RSBN1L: variants seen among roughly 807,000 people sequenced by gnomAD.
The protein encoded by RSBN1L is lysine-specific demethylase RSBN1L.
In RSBN1L, 30 loss-of-function variants were observed where a neutral mutation model predicts 67.7. The observed-to-expected ratio is 0.44, with a 90% CI of 0.33 to 0.60. The LOEUF (loss-of-function observed/expected upper bound fraction) is 0.60. Ranked by LOEUF, RSBN1L falls within the 20% of genes least tolerant of loss-of-function variation. RSBN1L has a pLI of 0.02. For synonymous variants in RSBN1L, 433 were observed against 387.0 expected, an observed-to-expected ratio of 1.12 and a Z score of -1.39; for missense variants, 992 against 1,031.7, an observed-to-expected ratio of 0.96 and a Z score of 0.53.
In RSBN1L at chr7:77,721,283, A is replaced by G. The variant is rs568671316; in HGVS notation, c.587-15127A>G. Among the ~76,000 whole-genome samples, 87 of 150,062 alleles carry G rather than the reference A, an allele frequency of 5.8e-4. 1 individual carries two copies. In the South Asian group the frequency reaches 0.018, roughly 32 times the overall value. On this transcript the variant is annotated intron_variant, in intron 1 of 7. Transcript: ENST00000334955. ...CTTCTATGATTGCCTTCAAATGCTT[A>G]TCAATAGTAATTTCCTTCTTTTTAC...
In RSBN1L at chr7:77,705,882, C is replaced by G. The variant is rs372431014; in HGVS notation, c.586+8827C>G. ...TGTGAATATCCAATTCCCTAATTGT[C>G]TTTTACTTAATAACATTTTCTTTTT... is the stretch of plus-strand genomic sequence containing the variant. On this transcript the variant is annotated intron_variant, in intron 1 of 7. Transcript: ENST00000334955. Among the ~76,000 whole-genome samples, 14 of 151,930 alleles carry G rather than the reference C, an allele frequency of 9.2e-5. No homozygotes were observed. In the East Asian group the frequency reaches 1.4e-3, roughly 15 times the overall value.
chr7:77,719,513 C>T (rs974522415), intron 1 of RSBN1L, among the ~76,000 whole-genome samples: 3 of 152,122 alleles, frequency 2.0e-5, no homozygotes, highest in South Asian at 2.1e-4. Context: ...GAAACAATCA[C>T]GTTTGATATA....
intron 3 of RSBN1L, among the ~76,000 whole-genome samples, chr7:77,757,919 T>G (rs1791641258): frequency 6.6e-6 from 1 of 152,166 alleles, no homozygotes; most frequent in Admixed American, 6.5e-5. Context: ...GAAACCCAGA[T>G]TCGTGTGGAA....
chr7:77,742,077 C>G (rs1222452384), intron 2 of RSBN1L, among the ~76,000 whole-genome samples: 2 of 151,402 alleles, frequency 1.3e-5, no homozygotes, highest in African/African-American at 4.9e-5. Flanking sequence ...CAGCTCTTAT[C>G]CCAGCATTTT....
chr7:77,707,251 C>T lies in RSBN1L; in HGVS notation c.586+10196C>T, dbSNP rs148406381. Reference sequence around the variant, plus strand: ...GTTGACCAGACTGGTCTTGAATGCCCGACCTCAAGTGATCCATCTGCCTTG... The same window carrying T: ...GTTGACCAGACTGGTCTTGAATGCCTGACCTCAAGTGATCCATCTGCCTTG... On this transcript the variant is annotated intron_variant, in intron 1 of 7. Coordinates refer to ENST00000334955, the MANE Select transcript of RSBN1L (RefSeq NM_198467.3). Among the ~76,000 whole-genome samples the T allele has an allele frequency of 5.0e-3, 764 of 152,026 alleles. 2 individuals carry two copies. Among genetic ancestry groups the T allele is most frequent in the Non-Finnish European group, 6.1e-3 (417 of 67,978 alleles).
intron 2 of RSBN1L, among the ~76,000 whole-genome samples, chr7:77,749,027 G>A (rs1031516487): frequency 5.3e-5 from 8 of 152,190 alleles, no homozygotes; most frequent in East Asian, 2.0e-4. Context: ...AGGCCGAAGC[G>A]GGCAGATCAC....
At chr7:77,716,261 G>C (rs896267760) in intron 1 of RSBN1L, among the ~76,000 whole-genome samples, 1 of 152,028 alleles carries the variant, frequency 6.6e-6, no homozygotes, top group Admixed American at 6.6e-5. Flanking sequence ...GAAAACTTCC[G>C]TCTGTAAGGT....
chr7:77,766,732 T>C (rs946861340), intron 4 of RSBN1L, among the ~76,000 whole-genome samples: 1 of 152,156 alleles, frequency 6.6e-6, no homozygotes, highest in Non-Finnish European at 1.5e-5. Context: ...ACATAATCTA[T>C]AGGACATCTC....
intron 6 of RSBN1L, among the ~76,000 whole-genome samples, chr7:77,774,372 G>A (rs188832560): frequency 6.6e-6 from 1 of 152,218 alleles, no homozygotes; most frequent in East Asian, 1.9e-4. Flanking sequence ...GGGATCACCT[G>A]AGGTCAGGAG....
rs181301108 is a variant in RSBN1L, at chr7:77,730,356, A to G, written c.587-6054A>G. On this transcript the variant is annotated intron_variant, in intron 1 of 7. Coordinates refer to ENST00000334955, the MANE Select transcript of RSBN1L (RefSeq NM_198467.3). ...GCCTTCCCCATTATTAACATCCCCT[A>G]TCAGAGTGGTACATTTGTTCCAACT... Among the ~76,000 whole-genome samples, 161 of 152,278 alleles carry G rather than the reference A, an allele frequency of 1.1e-3. 1 individual carries two copies. Among genetic ancestry groups the G allele is most frequent in the African/African-American group, 3.7e-3 (153 of 41,552 alleles).
At chr7:77,756,088 TA>T (rs1330045911) in intron 3 of RSBN1L, among the ~76,000 whole-genome samples, 1 of 151,814 alleles carries the variant, frequency 6.6e-6, no homozygotes, top group Non-Finnish European at 1.5e-5. Flanking sequence ...GAAGACAGAG[TA>T]GAGTGAAGAT....
At chr7:77,764,619 ATTTC>A (rs931128942) in intron 3 of RSBN1L, among the ~76,000 whole-genome samples, 11 of 151,492 alleles carry the variant, frequency 7.3e-5, no homozygotes, top group Admixed American at 4.6e-4. Flanking sequence ...CTGATTCTTA[ATTTC>A]TTTCTTTCTT....
At chr7:77,706,735 G>A (rs544484635) in intron 1 of RSBN1L, among the ~76,000 whole-genome samples, 28 of 152,076 alleles carry the variant, frequency 1.8e-4, no homozygotes, top group African/African-American at 6.0e-4. Context: ...AGAATCTTTT[G>A]GTAAACTCTT....
Position 77,718,680 on chromosome 7 carries a change from C to T in RSBN1L, c.587-17730C>T, listed in dbSNP as rs945150965. Among the ~76,000 whole-genome samples the T allele has an allele frequency of 3.9e-5, 6 of 152,160 alleles. No individual in the cohort carries two copies. The South Asian group carries it at 1.0e-3, about 26-fold the overall frequency. On this transcript the variant is annotated intron_variant, in intron 1 of 7. Coordinates refer to ENST00000334955, the MANE Select transcript of RSBN1L (RefSeq NM_198467.3). The stretch of plus-strand genomic sequence containing the variant: ...ATATACTTAAACAAAACAACTTTTT[C>T]ATTATCTATAATAAGACTTTGTGAA...
intron 3 of RSBN1L, among the ~76,000 whole-genome samples, chr7:77,762,902 T>G (rs1584300747): frequency 6.6e-6 from 1 of 152,292 alleles, no homozygotes; most frequent in East Asian, 1.9e-4. Context: ...CTTCGTATTT[T>G]AGAAGAATTC....
At position 77,778,747 on chromosome 7, in the gene RSBN1L, A is replaced by C. The variant is rs767307933; in HGVS notation, c.2120A>C (p.Glu707Ala). The C allele has an allele frequency of 1.1e-5, 17 of 1,614,158 alleles. No individual in the cohort carries two copies. In the South Asian group the frequency reaches 1.8e-4, roughly 17 times the overall value. ...ACTTCTCAGAATACAGCTACTCATG[A>C]AACAGGCACATCATCAGATTCCACA... ...EDTSQNTATH[E>A]TGTSSDSTSS... Residue 707 changes from glutamate (E) to alanine (A), a missense_variant, in exon 8 of 8, where the codon GAA becomes GCA. This residue lies in a region of RSBN1L where 199 missense variants were observed against 167.7 expected (regional missense o/e 1.19). Transcript: ENST00000334955.
intron 1 of RSBN1L, among the ~76,000 whole-genome samples, chr7:77,720,757 CTTTTTCTTTTTT>C (rs1791105840): frequency 7.4e-6 from 1 of 134,546 alleles, no homozygotes; most frequent in Non-Finnish European, 1.6e-5. Context: ...TTTTCATTTT[CTTTTTCTTTTTT>C]TTTTTTTTTT....
Position 77,696,927 on chromosome 7 carries a change from C to G in RSBN1L, c.458C>G (p.Ala153Gly). ...LLPAAAAAAS[A>G]NAKSRRPKEK... The stretch of plus-strand genomic sequence containing the variant: ...CCCGCCGCCGCCGCCGCTGCCTCGG[C>G]TAACGCCAAGTCGCGCAGACCTAAG... The change falls in exon 1 of 8, where the codon GCT becomes GGT. Residue 153 changes from alanine (A) to glycine (G), a missense_variant. By Grantham distance (60) the Ala-to-Gly change is moderately conservative. Around this residue, in one of 7 missense-constraint regions of RSBN1L, gnomAD observed 575 missense variants for 483.2 expected, o/e 1.19. Coordinates refer to ENST00000334955, the MANE Select transcript of RSBN1L (RefSeq NM_198467.3). 1 of 1,601,734 alleles carries G rather than the reference C, an allele frequency of 6.2e-7. No individual in the cohort carries two copies.
chr7:77,697,317 T>G (rs939850825), intron 1 of RSBN1L: 35 of 353,502 alleles, frequency 9.9e-5, no homozygotes, highest in African/African-American at 6.0e-4. Context: ...CGCTGCAGGA[T>G]TTGTGAAAAT....
Sources: allele counts gnomAD v4.1 joint callset (sites outside exome capture counted in the v4.1 genomes callset), GRCh38; gene constraint gnomAD v4.1.1; regional missense constraint gnomAD v4.1.1; transcripts MANE v1.5; gene names NCBI Gene and HGNC (gene_info 2026-07-23, HGNC 2026-07-21).